Variants in ZFAND4 observed in about 807,000 individuals in gnomAD.
ZFAND4 encodes the protein AN1-type zinc finger protein 4.
In ZFAND4, 43 loss-of-function variants were observed where a neutral mutation model predicts 64.4. The ratio of observed to expected loss-of-function variants is 0.67; its 90% CI spans 0.52 to 0.86. The LOEUF is 0.86. Ranked by LOEUF, ZFAND4 falls within the 40% of genes least tolerant of loss-of-function variation. ZFAND4 has a pLI of 0.00. For missense variants in ZFAND4, 929 were observed against 859.8 expected (o/e 1.08, Z -1.01); for synonymous variants, 296 against 305.7 (o/e 0.97, Z 0.33).
rs192961581 is a variant in ZFAND4 at position 45,657,477 on chromosome 10, T to G, written c.185-4418A>C. Among the ~76,000 whole-genome samples, 16 of 152,334 alleles carry G rather than the reference T, an allele frequency of 1.1e-4. No individual in the cohort carries two copies. In the East Asian group the frequency reaches 2.1e-3, roughly 20 times the overall value. On this transcript the variant is annotated intron_variant, in intron 2 of 9. Coordinates refer to ENST00000344646, the MANE Select transcript of ZFAND4 (RefSeq NM_174890.4). ...GGATACAGAGCAACTAGAACTTTTA[T>G]GTATTACTCATACAAACACAAAATG...
At chr10:45,649,803 TA>T (rs1236600607) in intron 4 of ZFAND4, 1 of 152,194 alleles carries the variant, frequency 6.6e-6, no homozygotes, top group Admixed American at 6.5e-5. Flanking sequence ...AGCAGACCTT[TA>T]GGGGGGAAAA....
intron 6 of ZFAND4, among the ~76,000 whole-genome samples, chr10:45,634,040 G>A (rs1487446021): frequency 6.6e-6 from 1 of 152,128 alleles, no homozygotes; most frequent in African/African-American, 2.4e-5. Flanking sequence ...TCATAAATGA[G>A]TATGGTAACT....
At position 45,632,802 on chromosome 10, in the gene ZFAND4, G is replaced by A. The variant is rs181030180; in HGVS notation, c.718-5697C>T. ...TGAAGTCATATCAATAAATATAAAC[G>A]TGATTAAGTTACCTGTTTTAAAATT... On this transcript the variant is annotated intron_variant, in intron 6 of 9. Coordinates refer to ENST00000344646, the MANE Select transcript of ZFAND4 (RefSeq NM_174890.4). 8.5e-5 allele frequency among the ~76,000 whole-genome samples: 13 copies of A among 152,174 alleles called. No individual in the cohort carries two copies. In the East Asian group the frequency reaches 1.9e-3, roughly 23 times the overall value.
At chr10:45,632,824 A>G (rs2046315917) in intron 6 of ZFAND4, among the ~76,000 whole-genome samples, 1 of 152,222 alleles carries the variant, frequency 6.6e-6, no homozygotes, top group African/African-American at 2.4e-5. Flanking sequence ...CCTGTTTTAA[A>G]ATTTCAAGCT....
intron 2 of ZFAND4, chr10:45,662,677 T>G (rs530940689): frequency 2.0e-6 from 2 of 985,354 alleles, no homozygotes; most frequent in East Asian, 2.3e-4. Flanking sequence ...TAGGATCTCC[T>G]GGGTCTAGAG....
intron 8 of ZFAND4, 109 bp downstream of exon 8, chr10:45,624,474 T>C: frequency 1.1e-6 from 1 of 919,190 alleles, no homozygotes; most frequent in Non-Finnish European, 1.7e-6. Flanking sequence ...GAATTTACTC[T>C]GTACATGCCA....
chr10:45,627,159 A>G (rs1035104581), intron 6 of ZFAND4, 54 bp from the exon 7 acceptor site: 60 of 1,435,644 alleles, frequency 4.2e-5, no homozygotes, highest in Admixed American at 2.6e-5. Context: ...CTGCCCATTA[A>G]CAAAAATTAG....
At chr10:45,667,545 T>C (rs2048912168) in intron 1 of ZFAND4, among the ~76,000 whole-genome samples, 1 of 151,084 alleles carries the variant, frequency 6.6e-6, no homozygotes, top group Non-Finnish European at 1.5e-5. Flanking sequence ...CTCCGCTTAT[T>C]GTAACCTCCG....
chr10:45,643,458 C>T (rs1054114411), intron 5 of ZFAND4, among the ~76,000 whole-genome samples: 24 of 151,080 alleles, frequency 1.6e-4, no homozygotes, highest in African/African-American at 1.5e-4. Flanking sequence ...ATCACCAGGA[C>T]GGGAGATCAA....
At chr10:45,646,361 C>T (rs2047379160) in intron 5 of ZFAND4, among the ~76,000 whole-genome samples, 1 of 152,198 alleles carries the variant, frequency 6.6e-6, no homozygotes, top group Non-Finnish European at 1.5e-5. Flanking sequence ...ACTAGGAAAG[C>T]CTCTTCTAGA....
intron 2 of ZFAND4, chr10:45,662,509 T>C: frequency 1.3e-6 from 1 of 744,328 alleles, no homozygotes; most frequent in Non-Finnish European, 1.6e-6. Flanking sequence ...AAAAAAGGTA[T>C]CCTTTAAACT....
Position 45,626,893 on chromosome 10 carries a change from A to G in ZFAND4, c.930T>C (p.Ser310=). The change falls in exon 7 of 10, where the codon TCT becomes TCC. Residue 310 remains serine, a synonymous_variant. Coordinates refer to ENST00000344646, the MANE Select transcript of ZFAND4 (RefSeq NM_174890.4). ...ATQLSAERYI[S]SITGEFLKED... is the part of the protein sequence containing the mutation. ...CCTTAAGAAATTCACCAGTGATAGA[A>G]GATATGTATCTCTCAGCAGAGAGTT... 1 of 1,614,226 alleles carries G rather than the reference A, an allele frequency of 6.2e-7. No homozygotes were observed. Among genetic ancestry groups the G allele is most frequent in the Non-Finnish European group, 8.5e-7 (1 of 1,180,030 alleles).
intron 9 of ZFAND4, among the ~76,000 whole-genome samples, chr10:45,617,001 C>T (rs902968554): frequency 6.6e-6 from 1 of 151,694 alleles, no homozygotes; most frequent in Non-Finnish European, 1.5e-5. Flanking sequence ...TCGCTTGAAC[C>T]CAGGAGGTGG....
intron 2 of ZFAND4, among the ~76,000 whole-genome samples, chr10:45,654,387 G>A (rs894368579): frequency 8.5e-5 from 13 of 152,134 alleles, no homozygotes; most frequent in African/African-American, 2.4e-4. Context: ...TTAGGAGGCC[G>A]AGGCAGGTGG....
chr10:45,648,986 C>T lies in ZFAND4; in HGVS notation c.329-452G>A, dbSNP rs73292830. 5.1e-3 allele frequency: 4,981 copies of T among 984,864 alleles called. 202 individuals are homozygous for T. The African/African-American group carries it at 0.08, about 16-fold the overall frequency. The allele number at this position is 984,864 out of a possible 1,614,324, so 61.0% of individuals were successfully genotyped here. A position where few individuals can be genotyped will look rare whatever the true frequency, so the allele number is the denominator to read the frequency against. On this transcript the variant is annotated intron_variant, in intron 4 of 9. Coordinates refer to ENST00000344646, the MANE Select transcript of ZFAND4 (RefSeq NM_174890.4). The stretch of plus-strand genomic sequence containing the variant: ...ACGTTAGATTAAAAGTACACAGACA[C>T]GGCCGGGTGCGGTGGCTCATGCCTG...
chr10:45,618,377 A>C, intron 8 of ZFAND4, 117 bp from the exon 9 acceptor site: 1 of 1,267,980 alleles, frequency 7.9e-7, no homozygotes, highest in African/African-American at 1.5e-5. Context: ...CATAAAAATT[A>C]ATTTGTGCTA....
At chr10:45,638,931 CTGAGAGTAGGAACAGGTA>C (rs1665238672) in intron 6 of ZFAND4, among the ~76,000 whole-genome samples, 1 of 152,090 alleles carries the variant, frequency 6.6e-6, no homozygotes, top group Non-Finnish European at 1.5e-5. Context: ...GTCGTTATTT[CTGAGAGTAGGAACAGGTA>C]CGTATTAACT....
intron 6 of ZFAND4, among the ~76,000 whole-genome samples, chr10:45,630,336 G>C (rs2046117592): frequency 6.6e-6 from 1 of 152,070 alleles, no homozygotes; most frequent in Non-Finnish European, 1.5e-5. Context: ...AGCAAACCCA[G>C]AAATACTCTG....
Position 45,670,129 on chromosome 10 carries a change from A to T in ZFAND4, c.-118+2121T>A, listed in dbSNP as rs558582104. ...GATGACATGATTATACATTTAGAAAACCCCATCGTCCCAACCCAAAATCTC... is the reference window on the plus strand; with the variant it reads ...GATGACATGATTATACATTTAGAAATCCCCATCGTCCCAACCCAAAATCTC... On this transcript the variant is annotated intron_variant, in intron 1 of 9. Transcript: ENST00000344646. Among the ~76,000 whole-genome samples, 7 of 152,108 alleles carry T rather than the reference A, an allele frequency of 4.6e-5. No individual in the cohort carries two copies. The South Asian group carries it at 1.5e-3, about 32-fold the overall frequency.
Sources: allele counts gnomAD v4.1 joint callset (sites outside exome capture counted in the v4.1 genomes callset), GRCh38; gene constraint gnomAD v4.1.1; transcripts MANE v1.5; gene names NCBI Gene and HGNC (gene_info 2026-07-23, HGNC 2026-07-21).